Variants in ZP3 observed in about 807,000 individuals in gnomAD.
ZP3 encodes the protein zona pellucida sperm-binding protein 3.
Under a neutral mutation model 35.6 loss-of-function variants are expected in ZP3, and 21 were observed. The observed-to-expected ratio is 0.59, with a 90% CI of 0.42 to 0.85. ZP3 has a LOEUF of 0.85. Among genes scored for constraint, ZP3 ranks in the 40% least tolerant of loss-of-function variants. ZP3 has a pLI of 0.00. For missense variants in ZP3, 437 were observed against 536.5 expected (o/e 0.81, Z 1.83); for synonymous variants, 207 against 214.5 (o/e 0.96, Z 0.31).
chr7:76,426,336 C>T (rs1365474212), intron 1 of ZP3, among the ~76,000 whole-genome samples: 1 of 152,200 alleles, frequency 6.6e-6, no homozygotes, highest in Non-Finnish European at 1.5e-5. Flanking sequence ...CCCAGCTAAA[C>T]CCTGATCCCT....
intron 7 of ZP3, among the ~76,000 whole-genome samples, chr7:76,441,452 G>A (rs1010349701): frequency 2.6e-4 from 40 of 151,804 alleles, no homozygotes; most frequent in Admixed American, 6.6e-4. Flanking sequence ...GCAATGGCAC[G>A]ATCTCTGCTC....
intron 1 of ZP3, chr7:76,404,325 G>A: frequency 1.9e-6 from 3 of 1,607,062 alleles, no homozygotes; most frequent in Non-Finnish European, 2.6e-6. Flanking sequence ...AGGAGGAGAA[G>A]GAAAGACAGG....
chr7:76,433,202 G>A (rs990583178), intron 3 of ZP3, among the ~76,000 whole-genome samples, 172 bp downstream of exon 3: 57 of 115,016 alleles, frequency 5.0e-4, no homozygotes, highest in African/African-American at 1.7e-3. Context: ...CCTCCAGGCT[G>A]GAGTGCAGTG....
At chr7:76,403,409 C>T (rs1327186668) in intron 1 of ZP3, among the ~76,000 whole-genome samples, 1 of 150,742 alleles carries the variant, frequency 6.6e-6, no homozygotes, top group Non-Finnish European at 1.5e-5. Flanking sequence ...GCAATCTCAG[C>T]TCACTGCAAC....
rs998711354 is a variant in ZP3 at position 76,400,617 on chromosome 7, A to AG, written c.-67+2825dup. 71 of 1,432,728 alleles carry AG rather than the reference A, an allele frequency of 5.0e-5. No homozygotes were observed. In the African/African-American group the frequency reaches 8.9e-4, roughly 18 times the overall value. The allele number at this position is 1,432,728 out of a possible 1,614,324, so 88.8% of individuals were successfully genotyped here. A position where few individuals can be genotyped will look rare whatever the true frequency, so the allele number is the denominator to read the frequency against. On this transcript the variant is annotated intron_variant, in intron 1 of 8. Transcript: ENST00000336517. The stretch of plus-strand genomic sequence containing the variant: ...CTGTGAAGAGGGTGGAGCTGGCACC[A>AG]GGGGGTCACTGAGTCCAACCTCCAG...
intron 1 of ZP3, among the ~76,000 whole-genome samples, chr7:76,404,154 C>A (rs1804922818): frequency 1.3e-5 from 2 of 152,144 alleles, no homozygotes; most frequent in South Asian, 2.1e-4. Context: ...AACTCAGACT[C>A]TTAGCTCTTT....
chr7:76,435,052 GT>G (rs1805950233), intron 5 of ZP3, among the ~76,000 whole-genome samples: 1 of 152,278 alleles, frequency 6.6e-6, no homozygotes, highest in Non-Finnish European at 1.5e-5. Flanking sequence ...CTGGTAAGTG[GT>G]TAGAAGTAAA....
chr7:76,421,676 C>T (rs1008865670), upstream of ZP3, among the ~76,000 whole-genome samples: 5 of 151,474 alleles, frequency 3.3e-5, no homozygotes, highest in South Asian at 1.0e-3. Flanking sequence ...CTCACTGCAA[C>T]ATCTGCTTCC....
At chr7:76,410,706 C>G in intron 1 of ZP3, among the ~76,000 whole-genome samples, 1 of 151,900 alleles carries the variant, frequency 6.6e-6, no homozygotes, top group East Asian at 1.9e-4. Flanking sequence ...AAAGAAAGTA[C>G]TAGATGTACC....
chr7:76,405,309 A>C (rs61440534), intron 1 of ZP3, among the ~76,000 whole-genome samples: 25 of 42,350 alleles, frequency 5.9e-4, no homozygotes, highest in African/African-American at 1.3e-3. Flanking sequence ...ATATATATAT[A>C]TATATATGTA....
At position 76,426,778 on chromosome 7, in the gene ZP3, C is replaced by T. The variant is rs1410997137; in HGVS notation, c.312+1502C>T. Among the ~76,000 whole-genome samples the T allele has an allele frequency of 2.6e-5, 4 of 151,466 alleles. No homozygotes were observed. In the Admixed American group the frequency reaches 2.6e-4, roughly 10 times the overall value. On this transcript the variant is annotated intron_variant, in intron 1 of 7. Transcript: ENST00000394857. ...CTGGAGTGCAATGGCGCCTATAATC[C>T]CAGCACTTTGGGAGGCTGAGATGGG... is the stretch of plus-strand genomic sequence containing the variant.
chr7:76,436,250 T>C (rs1806005170), intron 5 of ZP3, among the ~76,000 whole-genome samples: 1 of 152,092 alleles, frequency 6.6e-6, no homozygotes, highest in Non-Finnish European at 1.5e-5. Context: ...TTTCACCATA[T>C]TGGCCAGGCT....
upstream of ZP3, among the ~76,000 whole-genome samples, chr7:76,423,071 G>GAAAGAA (rs1805561216): frequency 4.2e-5 from 6 of 143,128 alleles, no homozygotes; most frequent in Admixed American, 4.2e-4. Context: ...AAGAAAGAAA[G>GAAAGAA]AAAGAAAGAA....
intron 1 of ZP3, among the ~76,000 whole-genome samples, chr7:76,418,819 G>A (rs544092325): frequency 6.6e-6 from 1 of 152,292 alleles, no homozygotes; most frequent in African/African-American, 2.4e-5. Context: ...TCGCGCCACT[G>A]CACTCCAGCC....
intron 1 of ZP3, among the ~76,000 whole-genome samples, chr7:76,410,141 T>G (rs1805202802): frequency 6.6e-6 from 1 of 151,892 alleles, no homozygotes; most frequent in South Asian, 2.1e-4. Context: ...TAATCAATTC[T>G]CGTGCCTCAG....
At chr7:76,430,420 T>A (rs1328794607) in intron 2 of ZP3, among the ~76,000 whole-genome samples, 1 of 152,110 alleles carries the variant, frequency 6.6e-6, no homozygotes, top group Non-Finnish European at 1.5e-5. Context: ...GTCCCTGCCC[T>A]TGAACCAGTC....
In ZP3 at chr7:76,404,409, G is replaced by A. The variant is rs1393654747; in HGVS notation, c.-67+6612G>A. On this transcript the variant is annotated intron_variant, in intron 1 of 8. Transcript: ENST00000336517. ...CCCCAGCGCTTCTCATCCAGCTGGGGACCAATTAGCATCTCTGCTTCCTTG... is the reference window on the plus strand; with the variant it reads ...CCCCAGCGCTTCTCATCCAGCTGGGAACCAATTAGCATCTCTGCTTCCTTG... 4 of 1,613,972 alleles carry A rather than the reference G, an allele frequency of 2.5e-6. No homozygotes were observed. The highest frequency in any genetic ancestry group is 3.4e-6 in the Non-Finnish European group (4 of 1,180,012).
At position 76,433,486 on chromosome 7, in the gene ZP3, G is replaced by A. The variant is rs1563701668; in HGVS notation, c.552G>A (p.Glu184=). 1.2e-6 allele frequency: 2 copies of A among 1,613,402 alleles called. No individual in the cohort carries two copies. Among genetic ancestry groups the A allele is most frequent in the Admixed American group, 1.7e-5 (1 of 59,870 alleles). The change falls in exon 4 of 8, where the codon GAG becomes GAA. Residue 184 remains glutamate, a synonymous_variant. Transcript: ENST00000394857. ...GTCTTTCAGAGAACTGGAACGCTGA[G>A]AAGAGGTCCCCCACCTTCCACCTGG... ...LRLMEENWNA[E]KRSPTFHLGD...
At chr7:76,435,672 G>A (rs112915242) in intron 5 of ZP3, among the ~76,000 whole-genome samples, 3,980 of 151,848 alleles carry the variant, frequency 0.026, 136 homozygotes, top group African/African-American at 0.092. Context: ...ATCTTCATAG[G>A]TGTTTGCTGT....
Sources: gnomAD v4.1 joint callset for allele counts (sites outside exome capture counted in the v4.1 genomes callset) on GRCh38, gnomAD v4.1.1 for gene constraint, MANE v1.5 for transcripts, NCBI Gene and HGNC (gene_info 2026-07-23, HGNC 2026-07-21) for gene names.